Variants in CHD9NB observed in about 807,000 individuals in gnomAD.
CHD9NB encodes the protein CHD9 neighbor protein.
At chr16:53,045,491 T>A in the CHD9NB span, among the ~76,000 whole-genome samples, 1 of 152,208 alleles carries the variant, frequency 6.6e-6, no homozygotes, top group African/African-American at 2.4e-5. Context: ...CCCTATGTTA[T>A]TTTCTGATCA....
the CHD9NB span, among the ~76,000 whole-genome samples, chr16:53,041,845 G>C: frequency 6.6e-6 from 1 of 152,046 alleles, no homozygotes; most frequent in Non-Finnish European, 1.5e-5. Context: ...TGTGCAAAGA[G>C]GCCCCAAACT....
At chr16:53,042,349 C>T in the CHD9NB span, among the ~76,000 whole-genome samples, 1 of 150,208 alleles carries the variant, frequency 6.7e-6, no homozygotes, top group Non-Finnish European at 1.5e-5. Flanking sequence ...CTGCCTCTCC[C>T]CGCTCTTTCA....
At chr16:53,043,424 C>T in the CHD9NB span, 1 of 152,156 alleles carries the variant, frequency 6.6e-6, no homozygotes, top group African/African-American at 2.4e-5. Context: ...TACGGGATCC[C>T]AGTGGGATCC....
At chr16:53,041,158 T>C in the CHD9NB span, among the ~76,000 whole-genome samples, 1 of 152,210 alleles carries the variant, frequency 6.6e-6, no homozygotes, top group Non-Finnish European at 1.5e-5. Flanking sequence ...GGATGGATGA[T>C]GGATGGATAG....
At chr16:53,038,681 C>T in the CHD9NB span, among the ~76,000 whole-genome samples, 1 of 152,122 alleles carries the variant, frequency 6.6e-6, no homozygotes. Context: ...TCACACCCCC[C>T]CTGCACCCCC....
the CHD9NB span, among the ~76,000 whole-genome samples, chr16:53,040,565 G>C: frequency 6.6e-6 from 1 of 152,066 alleles, no homozygotes; most frequent in Admixed American, 6.6e-5. Flanking sequence ...GGGTCTCATC[G>C]AGACTGGAAA....
chr16:53,041,103 AAGATGGATGGAT>A, the CHD9NB span, among the ~76,000 whole-genome samples: 1 of 152,152 alleles, frequency 6.6e-6, no homozygotes, highest in Non-Finnish European at 1.5e-5. Context: ...AATGGATGGA[AAGATGGATGGAT>A]AGATGGCTGG....
the CHD9NB span, among the ~76,000 whole-genome samples, chr16:53,044,998 G>A: frequency 1.9e-4 from 29 of 151,852 alleles, no homozygotes; most frequent in Non-Finnish European, 3.7e-4. Flanking sequence ...GTGCAGTGGT[G>A]CAATTATGGC....
the CHD9NB span, among the ~76,000 whole-genome samples, chr16:53,050,956 T>C: frequency 4.6e-5 from 7 of 152,192 alleles, no homozygotes; most frequent in East Asian, 1.2e-3. Flanking sequence ...CGTGCGATCT[T>C]GGCTTACTGC....
chr16:53,051,174 A>G, the CHD9NB span, among the ~76,000 whole-genome samples: 4 of 151,886 alleles, frequency 2.6e-5, no homozygotes, highest in African/African-American at 4.8e-5. Context: ...GGTGTGAGCC[A>G]CTGCCTCTGG....
chr16:53,046,035 G>A, the CHD9NB span, among the ~76,000 whole-genome samples: 4 of 152,164 alleles, frequency 2.6e-5, no homozygotes, highest in Middle Eastern at 3.4e-3. Context: ...TTGCCAACAG[G>A]GCCTGGCAGA....
chr16:53,036,205 T>A, the CHD9NB span, among the ~76,000 whole-genome samples: 1 of 152,226 alleles, frequency 6.6e-6, no homozygotes, highest in Non-Finnish European at 1.5e-5. Context: ...GGGCAATTCA[T>A]GCAACCTTCA....
the CHD9NB span, among the ~76,000 whole-genome samples, chr16:53,049,914 C>T: frequency 6.6e-6 from 1 of 152,150 alleles, no homozygotes; most frequent in East Asian, 1.9e-4. Flanking sequence ...ATAATAACTG[C>T]TTCCTGCGAC....
chr16:53,048,512 G>T, the CHD9NB span, among the ~76,000 whole-genome samples: 1 of 152,180 alleles, frequency 6.6e-6, no homozygotes, highest in Admixed American at 6.5e-5. Flanking sequence ...GGGCTTATTT[G>T]CCATCTAGTC....
chr16:53,038,566 G>A, the CHD9NB span, among the ~76,000 whole-genome samples: 1 of 152,130 alleles, frequency 6.6e-6, no homozygotes, highest in African/African-American at 2.4e-5. Flanking sequence ...GGCCAGGCTG[G>A]TCTCGAACTC....
the CHD9NB span, among the ~76,000 whole-genome samples, chr16:53,036,243 T>G: frequency 3.9e-5 from 6 of 152,222 alleles, no homozygotes; most frequent in African/African-American, 1.4e-4. Flanking sequence ...CCGTAAGGTA[T>G]GAATTTTACC....
the CHD9NB span, among the ~76,000 whole-genome samples, chr16:53,037,780 CCTCAAGT>C: frequency 6.6e-6 from 1 of 152,206 alleles, no homozygotes; most frequent in South Asian, 2.1e-4. Flanking sequence ...CAAATGAATT[CCTCAAGT>C]CTCAGCCTCT....
chr16:53,048,277 G>A, the CHD9NB span, among the ~76,000 whole-genome samples: 1 of 152,020 alleles, frequency 6.6e-6, no homozygotes, highest in African/African-American at 2.4e-5. Flanking sequence ...GTGGTGGCAT[G>A]TGCCTGCAGT....
At chr16:53,043,758 G>C in the CHD9NB span, 3 of 343,944 alleles carry the variant, frequency 8.7e-6, no homozygotes, top group South Asian at 3.1e-4. Flanking sequence ...CACAACGTGT[G>C]AAGACTTCTT....
Sources: allele counts gnomAD v4.1 joint callset (sites outside exome capture counted in the v4.1 genomes callset), GRCh38; gene constraint gnomAD v4.1.1; transcripts MANE v1.5; gene names NCBI Gene and HGNC (gene_info 2026-07-23, HGNC 2026-07-21).